The following RFC3 variants were observed in gnomAD, a reference collection of about 807,000 sequenced individuals.
RFC3 encodes A1 38 kDa subunit.
Under a neutral mutation model 45.1 loss-of-function variants are expected in RFC3, and 41 were observed. The observed-to-expected ratio is 0.91, with a 90% CI of 0.71 to 1.18. The LOEUF (loss-of-function observed/expected upper bound fraction) is 1.18, where lower values mean the gene tolerates loss of function less well. Ranked by LOEUF, RFC3 falls within the 50% of genes most tolerant of loss-of-function variation. RFC3 has a pLI of 0.00. For synonymous variants in RFC3, 149 were observed against 144.0 expected, an observed-to-expected ratio of 1.03 and a Z score of -0.25; for missense variants, 423 against 428.1, an observed-to-expected ratio of 0.99 and a Z score of 0.10.
rs141972185 is a variant in RFC3, at chr13:33,944,507, G to A, written c.880-21580G>A. Among the ~76,000 whole-genome samples, 425 of 152,192 alleles carry A rather than the reference G, an allele frequency of 2.8e-3. 1 individual carries two copies. The highest frequency in any genetic ancestry group is 9.7e-3 in the African/African-American group (403 of 41,546). On this transcript the variant is annotated intron_variant, in intron 8 of 8. Transcript: ENST00000434425. ...CCCATTTAGTCACACATATGTTTAAGCCCTAGAAACTGTTGGTTATGTGGT... is the reference window on the plus strand; with the variant it reads ...CCCATTTAGTCACACATATGTTTAAACCCTAGAAACTGTTGGTTATGTGGT...
intron 1 of RFC3, among the ~76,000 whole-genome samples, chr13:33,820,256 A>C (rs919527057): frequency 1.3e-5 from 2 of 152,204 alleles, no homozygotes; most frequent in Non-Finnish European, 2.9e-5. Context: ...CTTGCTTTTA[A>C]GTGCACACAG....
At chr13:33,889,948 C>G (rs1462588728) in intron 8 of RFC3, among the ~76,000 whole-genome samples, 1 of 152,134 alleles carries the variant, frequency 6.6e-6, no homozygotes, top group East Asian at 1.9e-4. Flanking sequence ...TTTTGTTAGC[C>G]TACTATGGAT....
chr13:33,940,951 C>T (rs955268375), intron 8 of RFC3, among the ~76,000 whole-genome samples: 5 of 152,226 alleles, frequency 3.3e-5, no homozygotes, highest in Admixed American at 2.0e-4. Flanking sequence ...AGCCAAATGC[C>T]TGGGCAGATA....
intron 8 of RFC3, among the ~76,000 whole-genome samples, chr13:33,934,052 A>G (rs2082870727): frequency 6.6e-6 from 1 of 152,044 alleles, no homozygotes; most frequent in Non-Finnish European, 1.5e-5. Flanking sequence ...TAAATGTTTA[A>G]TAATAGAGCC....
At chr13:33,914,536 A>G (rs1364357425) in intron 8 of RFC3, among the ~76,000 whole-genome samples, 1 of 152,128 alleles carries the variant, frequency 6.6e-6, no homozygotes, top group East Asian at 1.9e-4. Flanking sequence ...CTGTCAATCA[A>G]GCACAAAAGT....
At chr13:33,931,201 A>T (rs570330720) in intron 8 of RFC3, among the ~76,000 whole-genome samples, 1 of 152,154 alleles carries the variant, frequency 6.6e-6, no homozygotes, top group African/African-American at 2.4e-5. Flanking sequence ...CTGATGTTAC[A>T]TGCTGCTCAC....
At chr13:33,927,851 G>A (rs191833240) in intron 8 of RFC3, among the ~76,000 whole-genome samples, 29 of 152,162 alleles carry the variant, frequency 1.9e-4, no homozygotes, top group Non-Finnish European at 2.9e-4. Context: ...GCAGTGGGTG[G>A]CCCTATAATA....
At chr13:33,950,519 T>C (rs749098419) in intron 8 of RFC3, among the ~76,000 whole-genome samples, 114 of 152,172 alleles carry the variant, frequency 7.5e-4, no homozygotes, top group Non-Finnish European at 1.0e-3. Flanking sequence ...AATAAAGAAA[T>C]ACTCCTTTCA....
In RFC3 at chr13:33,836,829, A is replaced by G. The variant is rs2082159175; in HGVS notation, c.*534A>G. On this transcript the variant is annotated 3_prime_UTR_variant, in exon 9 of 9. Coordinates refer to ENST00000380071, the MANE Select transcript of RFC3 (RefSeq NM_002915.4). ...ATTTCTGTTGAGGCTGCAGATTTCC[A>G]ACTTTTATTTCAGTGGTTCAGATTA... is the stretch of plus-strand genomic sequence containing the variant. 1 of 985,748 alleles carries G rather than the reference A, an allele frequency of 1.0e-6. No individual in the cohort carries two copies. Among genetic ancestry groups the G allele is most frequent in the Non-Finnish European group, 1.2e-6 (1 of 830,240 alleles). The allele number at this position is 985,748 out of a possible 1,614,324, so 61.1% of individuals were successfully genotyped here.
intron 4 of RFC3, among the ~76,000 whole-genome samples, chr13:33,829,266 T>C (rs2082079277): frequency 6.6e-6 from 1 of 152,248 alleles, no homozygotes; most frequent in African/African-American, 2.4e-5. Flanking sequence ...CCAGATATCC[T>C]CATGCCTTGT....
At chr13:33,839,151 T>G (rs2082179056), downstream of RFC3, among the ~76,000 whole-genome samples, 1 of 152,220 alleles carries the variant, frequency 6.6e-6, no homozygotes, top group Admixed American at 6.5e-5. Context: ...CCCTTGGTTT[T>G]TATTTTCTAG....
At chr13:33,834,813 C>G (rs1038605872) in intron 7 of RFC3, among the ~76,000 whole-genome samples, 145 of 152,138 alleles carry the variant, frequency 9.5e-4, no homozygotes, top group African/African-American at 3.4e-3. Flanking sequence ...TTCATGAAGT[C>G]TCAATTTCTA....
rs995909547 is a variant in RFC3 at position 33,836,466 on chromosome 13, A to G, written c.*171A>G. 5 of 1,404,912 alleles carry G rather than the reference A, an allele frequency of 3.6e-6. No individual in the cohort carries two copies. Among genetic ancestry groups the G allele is most frequent in the African/African-American group, 2.9e-5 (2 of 69,174 alleles). 87.0% of individuals were successfully genotyped at this position (1,404,912 alleles called of 1,614,324 possible). A position where few individuals can be genotyped will look rare whatever the true frequency, so the allele number is the denominator to read the frequency against. Reference sequence around the variant, plus strand: ...TCCTCTGAGTTAAATAATTGCTCCTATACTATTGAAGTATGTAGTTTTGTA... The same window carrying G: ...TCCTCTGAGTTAAATAATTGCTCCTGTACTATTGAAGTATGTAGTTTTGTA... On this transcript the variant is annotated 3_prime_UTR_variant, in exon 9 of 9. Transcript: ENST00000380071.
At chr13:33,830,641 G>T in intron 5 of RFC3, 78 bp from the exon 6 acceptor site, 3 of 1,203,704 alleles carry the variant, frequency 2.5e-6, no homozygotes, top group Non-Finnish European at 3.6e-6. Context: ...AGTTATAAGG[G>T]TCTAGGAGGA....
chr13:33,950,936 T>C (rs2082985992), intron 8 of RFC3, among the ~76,000 whole-genome samples: 2 of 152,076 alleles, frequency 1.3e-5, no homozygotes, highest in South Asian at 4.1e-4. Flanking sequence ...TTCCCTTCAC[T>C]TATTCCTCAT....
intron 8 of RFC3, among the ~76,000 whole-genome samples, chr13:33,890,934 T>C (rs1169982846): frequency 2.0e-5 from 3 of 152,196 alleles, no homozygotes; most frequent in Non-Finnish European, 4.4e-5. Context: ...AACATGCAAA[T>C]GTCATAGCTA....
intron 8 of RFC3, among the ~76,000 whole-genome samples, chr13:33,930,987 T>G (rs1286797092): frequency 1.3e-5 from 2 of 151,770 alleles, no homozygotes; most frequent in African/African-American, 4.8e-5. Flanking sequence ...TTTCTTAGAG[T>G]TTTTTTTAGT....
At chr13:33,976,274 G>C in the RFC3 span, among the ~76,000 whole-genome samples, 12 of 152,246 alleles carry the variant, frequency 7.9e-5, no homozygotes, top group Admixed American at 5.2e-4. Flanking sequence ...CCTGTAACTT[G>C]TAGCAACATA....
chr13:33,819,616 G>T (rs562540069), intron 1 of RFC3, among the ~76,000 whole-genome samples: 47 of 152,062 alleles, frequency 3.1e-4, no homozygotes, highest in African/African-American at 1.0e-3. Flanking sequence ...AAAATAAATT[G>T]ATTACTGCAG....
Sources: allele counts gnomAD v4.1 joint callset (sites outside exome capture counted in the v4.1 genomes callset), GRCh38; gene constraint gnomAD v4.1.1; transcripts MANE v1.5; gene names NCBI Gene and HGNC (gene_info 2026-07-23, HGNC 2026-07-21).